The following SPIDR variants were observed in gnomAD, a reference collection of about 807,000 sequenced individuals.
SPIDR encodes the protein DNA repair-scaffolding protein.
A neutral mutation model predicts 104.6 loss-of-function variants in SPIDR; 93 were observed. That is an observed-to-expected ratio of 0.89 (90% CI 0.75 to 1.06). The LOEUF (loss-of-function observed/expected upper bound fraction) is 1.06. SPIDR is among the 50% of genes least tolerant of loss of function. SPIDR has a pLI of 0.00. For missense variants in SPIDR, 1,154 were observed against 1,111.2 expected (o/e 1.04, Z -0.55); for synonymous variants, 431 against 416.9 (o/e 1.03, Z -0.41).
chr8:47,604,230 G>A (rs1348099227), intron 10 of SPIDR, among the ~76,000 whole-genome samples: 1 of 152,198 alleles, frequency 6.6e-6, no homozygotes. Flanking sequence ...TTAGGTGTTA[G>A]GTAAAGAGAA....
At chr8:47,552,781 G>A (rs1038372845) in intron 8 of SPIDR, among the ~76,000 whole-genome samples, 2 of 152,184 alleles carry the variant, frequency 1.3e-5, no homozygotes, top group Non-Finnish European at 2.9e-5. Flanking sequence ...ATATTGTTAT[G>A]TATGAATTTG....
chr8:47,604,922 G>A (rs191661306), intron 10 of SPIDR, among the ~76,000 whole-genome samples: 80 of 152,314 alleles, frequency 5.3e-4, no homozygotes, highest in South Asian at 1.2e-3. Context: ...TGGTCAGTAT[G>A]TATCTTTGTA....
At chr8:47,641,361 C>G (rs2068955808) in intron 10 of SPIDR, among the ~76,000 whole-genome samples, 1 of 152,066 alleles carries the variant, frequency 6.6e-6, no homozygotes, top group Non-Finnish European at 1.5e-5. Context: ...GTACTACTTG[C>G]TATATCCAAG....
At chr8:47,351,661 T>A (rs752546378) in intron 5 of SPIDR, among the ~76,000 whole-genome samples, 6 of 152,150 alleles carry the variant, frequency 3.9e-5, no homozygotes, top group Admixed American at 1.3e-4. Context: ...CCAAAAATAT[T>A]TGGAAAGACA....
chr8:47,626,477 A>G (rs1244050390), intron 10 of SPIDR, among the ~76,000 whole-genome samples: 2 of 152,214 alleles, frequency 1.3e-5, no homozygotes, highest in Middle Eastern at 3.2e-3. Flanking sequence ...GGAAATTTTC[A>G]CAACCTACTC....
intron 10 of SPIDR, among the ~76,000 whole-genome samples, chr8:47,666,355 T>C (rs2074932150): frequency 6.6e-6 from 1 of 152,256 alleles, no homozygotes; most frequent in Non-Finnish European, 1.5e-5. Flanking sequence ...TTTAGACTGA[T>C]GATCTATTCC....
chr8:47,725,101 G>C (rs2084017802), intron 16 of SPIDR, among the ~76,000 whole-genome samples: 1 of 152,204 alleles, frequency 6.6e-6, no homozygotes, highest in Non-Finnish European at 1.5e-5. Context: ...AGGAGATAGG[G>C]AGGAAGAGGG....
chr8:47,473,738 G>T (rs2075981233), intron 8 of SPIDR, among the ~76,000 whole-genome samples: 1 of 152,130 alleles, frequency 6.6e-6, no homozygotes, highest in South Asian at 2.1e-4. Flanking sequence ...GGCTTTGCAA[G>T]ACCAGTGTAG....
rs182614831 is a variant in SPIDR at position 47,498,979 on chromosome 8, C to T, written c.1097+58437C>T. Among the ~76,000 whole-genome samples, 6 of 152,188 alleles carry T rather than the reference C, an allele frequency of 3.9e-5. No homozygotes were observed. In the East Asian group the frequency reaches 5.8e-4, roughly 15 times the overall value. ...AAGAAAATATTTGTAATCACTACCA[C>T]GAGGGTTTTTCATTACCATCTAGAA... is the stretch of plus-strand genomic sequence containing the variant. On this transcript the variant is annotated intron_variant, in intron 8 of 19. Transcript: ENST00000297423.
chr8:47,432,597 T>G (rs1260810402), intron 7 of SPIDR, among the ~76,000 whole-genome samples: 1 of 152,144 alleles, frequency 6.6e-6, no homozygotes, highest in South Asian at 2.1e-4. Context: ...AGAAGTACAG[T>G]GATAACATAA....
chr8:47,721,410 G>A (rs2083371883), intron 16 of SPIDR, among the ~76,000 whole-genome samples: 1 of 151,926 alleles, frequency 6.6e-6, no homozygotes, highest in Admixed American at 6.6e-5. Flanking sequence ...CTATATTTAT[G>A]AGGGTCTGTG....
At chr8:47,623,384 C>T (rs1299452441) in intron 10 of SPIDR, among the ~76,000 whole-genome samples, 4 of 152,094 alleles carry the variant, frequency 2.6e-5, no homozygotes, top group African/African-American at 4.8e-5. Context: ...TCACACATAA[C>T]GATATTAACT....
chr8:47,617,939 G>T (rs2064564458), intron 10 of SPIDR, among the ~76,000 whole-genome samples: 1 of 152,134 alleles, frequency 6.6e-6, no homozygotes, highest in Non-Finnish European at 1.5e-5. Flanking sequence ...CCAGAGACAA[G>T]CCCCAGTCTT....
At chr8:47,261,850 C>T (rs1050070928) in intron 1 of SPIDR, among the ~76,000 whole-genome samples, 19 of 152,226 alleles carry the variant, frequency 1.2e-4, no homozygotes, top group African/African-American at 4.6e-4. Context: ...TTTCAGGCAC[C>T]TCTTGATTAT....
At chr8:47,679,525 G>T (rs1187146297) in intron 11 of SPIDR, among the ~76,000 whole-genome samples, 2 of 141,636 alleles carry the variant, frequency 1.4e-5, no homozygotes, top group Non-Finnish European at 3.0e-5. Context: ...GTGCTGGCCT[G>T]TGCCAGGTGC....
intron 8 of SPIDR, among the ~76,000 whole-genome samples, chr8:47,529,143 C>T (rs1344337586): frequency 6.6e-6 from 1 of 152,114 alleles, no homozygotes; most frequent in Non-Finnish European, 1.5e-5. Flanking sequence ...TAAAGGAGGC[C>T]GGGCCCGGTG....
At chr8:47,266,054 G>GTT (rs60569421) in intron 1 of SPIDR, among the ~76,000 whole-genome samples, 2 of 139,468 alleles carry the variant, frequency 1.4e-5, no homozygotes, top group Non-Finnish European at 1.6e-5. Flanking sequence ...CCGGTCTGAA[G>GTT]TTTTTTTTTT....
chr8:47,455,276 C>T (rs782278306), intron 8 of SPIDR, among the ~76,000 whole-genome samples: 7 of 151,920 alleles, frequency 4.6e-5, no homozygotes, highest in Non-Finnish European at 1.0e-4. Context: ...TGCTTGTAGA[C>T]CATTGAAACT....
chr8:47,461,406 G>A (rs1554713388), intron 8 of SPIDR, among the ~76,000 whole-genome samples: 2 of 152,086 alleles, frequency 1.3e-5, no homozygotes, highest in African/African-American at 4.8e-5. Flanking sequence ...CTCACTCCCG[G>A]ATTCAAGCGA....
Sources: allele counts gnomAD v4.1 joint callset (sites outside exome capture counted in the v4.1 genomes callset), GRCh38; gene constraint gnomAD v4.1.1; transcripts MANE v1.5; gene names NCBI Gene and HGNC (gene_info 2026-07-23, HGNC 2026-07-21).